The following SLC2A10 variants were observed in gnomAD, a reference collection of about 807,000 sequenced individuals.
SLC2A10 encodes solute carrier family 2 member 10, also known as solute carrier family 2, facilitated glucose transporter member 10.
In SLC2A10, 25 loss-of-function variants were observed where a neutral mutation model predicts 32.1. The observed-to-expected ratio is 0.78, with a 90% CI of 0.57 to 1.09. The LOEUF is 1.09. Ranked by LOEUF, SLC2A10 falls within the 50% of genes least tolerant of loss-of-function variation. SLC2A10 has a pLI of 0.00. For missense variants in SLC2A10, 673 were observed against 686.5 expected (o/e 0.98, Z 0.22); for synonymous variants, 332 against 309.6 (o/e 1.07, Z -0.76).
intron 1 of SLC2A10, among the ~76,000 whole-genome samples, chr20:46,711,925 G>T (rs1021842419): frequency 1.3e-5 from 2 of 152,194 alleles, no homozygotes; most frequent in African/African-American, 4.8e-5. Context: ...AATGGTGAGT[G>T]AATGTGAGTT....
chr20:46,724,107 T>C (rs1979705143), intron 1 of SLC2A10, among the ~76,000 whole-genome samples: 1 of 152,224 alleles, frequency 6.6e-6, no homozygotes, highest in Non-Finnish European at 1.5e-5. Context: ...GCTCAAATTT[T>C]TGCTCTTCAG....
Position 46,725,772 on chromosome 20 carries a change from G to A in SLC2A10, c.736G>A (p.Gly246Arg), listed in dbSNP as rs1568985955. 1.2e-6 allele frequency: 2 copies of A among 1,614,214 alleles called. No homozygotes were observed. The highest frequency in any genetic ancestry group is 1.7e-6 in the Non-Finnish European group (2 of 1,180,018). ...LGLVLFQQLT[G>R]QPNVLCYAST... The stretch of plus-strand genomic sequence containing the variant: ...GCTGGTGCTCTTCCAGCAACTAACA[G>A]GGCAGCCCAACGTGCTGTGCTATGC... Residue 246 changes from glycine to arginine, a missense_variant, in exon 2 of 5, where the codon GGG (glycine) becomes AGG (arginine). Coordinates refer to ENST00000359271, the MANE Select transcript of SLC2A10 (RefSeq NM_030777.4).
intron 4 of SLC2A10, among the ~76,000 whole-genome samples, chr20:46,730,803 C>T (rs1980256344): frequency 6.6e-6 from 1 of 152,218 alleles, no homozygotes; most frequent in African/African-American, 2.4e-5. Context: ...CAAAGTGCTA[C>T]AGTCCTAAGC....
upstream of SLC2A10, chr20:46,709,508 T>TGGGGCGGCCG: frequency 2.1e-6 from 1 of 473,488 alleles, no homozygotes; most frequent in Admixed American, 4.5e-5. Context: ...TTGCCAGGCC[T>TGGGGCGGCCG]GGGGCGGCCG....
upstream of SLC2A10, among the ~76,000 whole-genome samples, chr20:46,708,734 T>C (rs937944298): frequency 1.3e-5 from 2 of 152,210 alleles, no homozygotes; most frequent in South Asian, 4.1e-4. Context: ...GGTTGAAATC[T>C]ACATTCCTGA....
rs1600668297 is a variant in SLC2A10, at chr20:46,725,990, C to T, written c.954C>T (p.Ser318=). 2 of 1,613,938 alleles carry T rather than the reference C, an allele frequency of 1.2e-6. No homozygotes were observed. The highest frequency in any genetic ancestry group is 1.6e-4 in the Middle Eastern group (1 of 6,062). ...CCGTCAGTGGCATAGGCCTCGTCAG[C>T]TTTGCCGTGCCCATGGACTCAGGCC... ...ALSVSGIGLV[S]FAVPMDSGPS... The change falls in exon 2 of 5, where the codon AGC becomes AGT. Residue 318 remains serine (S), a synonymous_variant. Coordinates refer to ENST00000359271, the MANE Select transcript of SLC2A10 (RefSeq NM_030777.4).
intron 1 of SLC2A10, among the ~76,000 whole-genome samples, chr20:46,713,103 C>T (rs183586883): frequency 6.6e-6 from 1 of 152,220 alleles, no homozygotes; most frequent in Admixed American, 6.5e-5. Flanking sequence ...TTCATTCATT[C>T]ACTCAATCAT....
At chr20:46,725,017 G>A (rs1979792656) in intron 1 of SLC2A10, 24 bp from the exon 2 acceptor site, 1 of 1,614,140 alleles carries the variant, frequency 6.2e-7, no homozygotes, top group Non-Finnish European at 8.5e-7. Flanking sequence ...TTCTAACTCT[G>A]TCCCTCTCAC....
At chr20:46,731,174 T>G (rs1443862360) in intron 4 of SLC2A10, among the ~76,000 whole-genome samples, 1 of 152,144 alleles carries the variant, frequency 6.6e-6, no homozygotes, top group Non-Finnish European at 1.5e-5. Context: ...CATGAGCTCA[T>G]GTAGGGTCCC....
chr20:46,725,492 C>T lies in SLC2A10; in HGVS notation c.456C>T (p.Ala152=). 2 of 1,614,172 alleles carry T rather than the reference C, an allele frequency of 1.2e-6. No individual in the cohort carries two copies. The highest frequency in any genetic ancestry group is 1.7e-6 in the Non-Finnish European group (2 of 1,180,020). ...CCGTGGGCATCCTGCTCTCCTATGCCCTCAACTATGCACTGGCTGGTACCC... is the reference window on the plus strand; with the variant it reads ...CCGTGGGCATCCTGCTCTCCTATGCTCTCAACTATGCACTGGCTGGTACCC... ...GITVGILLSY[A]LNYALAGTPW... Residue 152 remains alanine, a synonymous_variant, in exon 2 of 5, where the codon GCC becomes GCT. Coordinates refer to ENST00000359271, the MANE Select transcript of SLC2A10 (RefSeq NM_030777.4).
At chr20:46,729,268 C>A in intron 3 of SLC2A10, 85 bp from the exon 4 acceptor site, 3 of 1,567,702 alleles carry the variant, frequency 1.9e-6, no homozygotes, top group Non-Finnish European at 2.6e-6. Flanking sequence ...ACTTTCCATG[C>A]CTGACCTAGA....
intron 4 of SLC2A10, among the ~76,000 whole-genome samples, chr20:46,730,787 G>A (rs1024230703): frequency 2.0e-5 from 3 of 152,156 alleles, no homozygotes; most frequent in Admixed American, 6.5e-5. Context: ...GCTTCAGAAG[G>A]AACTTCAAAG....
At chr20:46,721,597 G>A (rs1022300675) in intron 1 of SLC2A10, among the ~76,000 whole-genome samples, 4 of 152,128 alleles carry the variant, frequency 2.6e-5, no homozygotes, top group African/African-American at 7.2e-5. Context: ...CTCATGTAAC[G>A]AGAGCCCAGT....
At chr20:46,732,043 G>A (rs547698040) in intron 4 of SLC2A10, among the ~76,000 whole-genome samples, 1 of 152,290 alleles carries the variant, frequency 6.6e-6, no homozygotes, top group Admixed American at 6.5e-5. Context: ...TGCCGGTAGA[G>A]CCGTCACCCA....
intron 1 of SLC2A10, among the ~76,000 whole-genome samples, chr20:46,720,262 A>G (rs540831694): frequency 1.3e-5 from 2 of 152,356 alleles, no homozygotes; most frequent in East Asian, 3.9e-4. Context: ...CTCTCGGATC[A>G]CTGGATTCAT....
chr20:46,734,235 C>CT lies in SLC2A10; in HGVS notation c.*407dup. ...ATGAGGATATCATCTTTTCTAATCT[C>CT]TTTTTTCAACTGGCTGGGACATTTT... On this transcript the variant is annotated 3_prime_UTR_variant, in exon 5 of 5. Transcript: ENST00000359271. The CT allele has an allele frequency of 4.3e-6, 1 of 230,946 alleles. No individual in the cohort carries two copies. Among genetic ancestry groups the CT allele is most frequent in the Non-Finnish European group, 8.6e-6 (1 of 115,652 alleles). 14.3% of individuals were successfully genotyped at this position (230,946 alleles called of 1,614,324 possible). A position where few individuals can be genotyped will look rare whatever the true frequency, so the allele number is the denominator to read the frequency against.
chr20:46,717,998 G>A (rs979212313), intron 1 of SLC2A10, among the ~76,000 whole-genome samples: 4 of 152,172 alleles, frequency 2.6e-5, no homozygotes, highest in African/African-American at 9.7e-5. Flanking sequence ...TAGGCAGGAA[G>A]ATCACTTGAG....
upstream of SLC2A10, among the ~76,000 whole-genome samples, chr20:46,708,556 A>G (rs1324858451): frequency 6.6e-6 from 1 of 152,188 alleles, no homozygotes; most frequent in Non-Finnish European, 1.5e-5. Flanking sequence ...TCCAGTCTGT[A>G]AGTTCTTACG....
chr20:46,715,364 C>T (rs921430821), intron 1 of SLC2A10, among the ~76,000 whole-genome samples: 4 of 152,150 alleles, frequency 2.6e-5, no homozygotes, highest in African/African-American at 7.2e-5. Context: ...GGTTCCCTTT[C>T]GCTGCAAGAG....
Sources: allele counts gnomAD v4.1 joint callset (sites outside exome capture counted in the v4.1 genomes callset), GRCh38; gene constraint gnomAD v4.1.1; transcripts MANE v1.5; gene names NCBI Gene and HGNC (gene_info 2026-07-23, HGNC 2026-07-21).